The following CDH23 variants were observed in gnomAD, a reference collection of about 807,000 sequenced individuals.
CDH23 encodes the protein cadherin-23.
CDH23 carries 189 observed loss-of-function variants against 317.1 expected under a neutral mutation model. That is an observed-to-expected ratio of 0.60 (90% CI 0.53 to 0.67). The LOEUF (loss-of-function observed/expected upper bound fraction) is 0.67. Among genes scored for constraint, CDH23 ranks in the 30% least tolerant of loss-of-function variants. The probability of loss-of-function intolerance (pLI) is 0.00; values close to 1 mark genes in which losing one functional copy is unlikely to be tolerated. For synonymous variants in CDH23, 1,839 were observed against 1,876.8 expected (o/e 0.98, Z 0.52); for missense variants, 4,401 against 4,592.4 (o/e 0.96, Z 1.20).
chr10:71,555,042 C>A (rs376325378), intron 6 of CDH23, among the ~76,000 whole-genome samples: 1 of 152,184 alleles, frequency 6.6e-6, no homozygotes, highest in East Asian at 1.9e-4. Context: ...AAGCTTGTTT[C>A]CAAGTCCCTA....
intron 6 of CDH23, among the ~76,000 whole-genome samples, chr10:71,512,835 T>G (rs1854071084): frequency 1.3e-5 from 2 of 152,200 alleles, no homozygotes; most frequent in African/African-American, 4.8e-5. Flanking sequence ...AACAAATATT[T>G]ATTGAATGTC....
At chr10:71,532,435 C>T (rs916974830) in intron 6 of CDH23, among the ~76,000 whole-genome samples, 1 of 152,140 alleles carries the variant, frequency 6.6e-6, no homozygotes, top group Non-Finnish European at 1.5e-5. Context: ...GAGCACTGAG[C>T]GTCAGGGGTG....
chr10:71,805,945 G>A lies in CDH23; in HGVS notation c.8012G>A (p.Gly2671Asp), dbSNP rs779222449. 3.1e-6 allele frequency: 5 copies of A among 1,611,614 alleles called. No homozygotes were observed. The highest frequency in any genetic ancestry group is 4.2e-6 in the Non-Finnish European group (5 of 1,179,094). The change falls in exon 56 of 70, where the codon GGC becomes GAC. Residue 2671 changes from glycine to aspartate, a missense_variant. Around this residue, in one of 3 missense-constraint regions of CDH23, gnomAD observed 1,144 missense variants for 1,138.2 expected, o/e 1.01. Transcript: ENST00000224721. ...WEFFIIDPIS[G>D]LIQTAQRLDR... ...TTCTTCATCATCGACCCAATCAGCGGCCTCATCCAGACTGCTCAGCGCCTG... is the reference window on the plus strand; with the variant it reads ...TTCTTCATCATCGACCCAATCAGCGACCTCATCCAGACTGCTCAGCGCCTG...
rs79325293 is a variant in CDH23 at position 71,674,215 on chromosome 10, C to G, written c.1450-897C>G. ...AATATATTTTTCACTTATCTGCCTTCCTGAACTGAATGTACTAAACACAAA... is the reference window on the plus strand; with the variant it reads ...AATATATTTTTCACTTATCTGCCTTGCTGAACTGAATGTACTAAACACAAA... On this transcript the variant is annotated intron_variant, in intron 14 of 69. Coordinates refer to ENST00000224721, the MANE Select transcript of CDH23 (RefSeq NM_022124.6). 1.3e-3 allele frequency among the ~76,000 whole-genome samples: 191 copies of G among 152,248 alleles called. No homozygotes were observed. The East Asian group carries it at 0.02, about 16-fold the overall frequency.
Position 71,720,420 on chromosome 10 carries a change from A to AACACACACACACACACAC in CDH23, c.3370-3612_3370-3595dup, listed in dbSNP as rs57346519. Among the ~76,000 whole-genome samples the AACACACACACACACACAC allele has an allele frequency of 7.2e-4, 105 of 145,854 alleles. 1 individual carries two copies. Among genetic ancestry groups the AACACACACACACACACAC allele is most frequent in the African/African-American group, 2.5e-3 (99 of 39,098 alleles). ...GACCTCCACTGGAGGCTCTTTCCAA[A>AACACACACACACACACAC]ACACACACACACACACACACACACA... On this transcript the variant is annotated intron_variant, in intron 28 of 69. Transcript: ENST00000224721.
intron 24 of CDH23, 50 bp downstream of exon 24, chr10:71,702,744 G>A (rs1203242323): frequency 1.9e-6 from 3 of 1,607,544 alleles, no homozygotes; most frequent in African/African-American, 2.7e-5. Flanking sequence ...GGCAGTGGGT[G>A]CCTGAGGAGC....
At chr10:71,598,931 C>T (rs940679603) in intron 9 of CDH23, among the ~76,000 whole-genome samples, 1 of 152,178 alleles carries the variant, frequency 6.6e-6, no homozygotes, top group Non-Finnish European at 1.5e-5. Context: ...CATAATATGA[C>T]ATCTGGGGCT....
chr10:71,770,946 T>C (rs528987915), intron 38 of CDH23, among the ~76,000 whole-genome samples: 1 of 152,312 alleles, frequency 6.6e-6, no homozygotes, highest in South Asian at 2.1e-4. Flanking sequence ...CCAGAGCCTC[T>C]GGGCAGTGGG....
intron 41 of CDH23, among the ~76,000 whole-genome samples, chr10:71,780,178 G>A (rs1840915279): frequency 6.6e-6 from 1 of 152,186 alleles, no homozygotes; most frequent in Non-Finnish European, 1.5e-5. Flanking sequence ...AATTGGTCGT[G>A]CAGGAAATAT....
At chr10:71,485,340 T>A (rs1402266063) in intron 3 of CDH23, among the ~76,000 whole-genome samples, 21 of 152,214 alleles carry the variant, frequency 1.4e-4, no homozygotes, top group Admixed American at 1.3e-3. Context: ...TGTGTTTTTC[T>A]TATAAAAAGT....
intron 9 of CDH23, among the ~76,000 whole-genome samples, chr10:71,605,762 C>A (rs1472085206): frequency 6.6e-6 from 1 of 152,170 alleles, no homozygotes; most frequent in African/African-American, 2.4e-5. Context: ...TTTAATGAAT[C>A]CCCTATTGTT....
intron 29 of CDH23, among the ~76,000 whole-genome samples, chr10:71,724,915 A>G (rs2132803388): frequency 6.6e-6 from 1 of 152,264 alleles, no homozygotes; most frequent in East Asian, 1.9e-4. Flanking sequence ...AAGATGGGGG[A>G]ATGAGTGCTG....
At position 71,701,547 on chromosome 10, in the gene CDH23, C is replaced by T. The variant is rs1366262837; in HGVS notation, c.2398-475C>T. 2.0e-5 allele frequency among the ~76,000 whole-genome samples: 3 copies of T among 152,030 alleles called. No individual in the cohort carries two copies. In the East Asian group the frequency reaches 5.8e-4, roughly 29 times the overall value. On this transcript the variant is annotated intron_variant, in intron 22 of 69. Coordinates refer to ENST00000224721, the MANE Select transcript of CDH23 (RefSeq NM_022124.6). ...CCAGTCCTGAGACCCTGCCCCTTAT[C>T]AGGGACCATGTACCTCCCTTCCAGG...
chr10:71,810,117 G>A, intron 61 of CDH23, 41 bp downstream of exon 61: 1 of 1,603,646 alleles, frequency 6.2e-7, no homozygotes, highest in Non-Finnish European at 8.5e-7. Context: ...AGTGGAGGGA[G>A]AAGGAAGGGG....
At chr10:71,700,168 C>CT (rs1401045938) in intron 22 of CDH23, among the ~76,000 whole-genome samples, 3 of 152,174 alleles carry the variant, frequency 2.0e-5, no homozygotes, top group Non-Finnish European at 4.4e-5. Flanking sequence ...GGGAGGATCA[C>CT]TTGAGGTCAA....
At chr10:71,561,827 T>C (rs1857146368) in intron 6 of CDH23, among the ~76,000 whole-genome samples, 2 of 148,314 alleles carry the variant, frequency 1.3e-5, no homozygotes, top group Non-Finnish European at 3.0e-5. Context: ...CATAAGGGAG[T>C]AGGTGGGACT....
Position 71,575,715 on chromosome 10 carries a change from G to A in CDH23, c.754-2199G>A, listed in dbSNP as rs145816187. 4.7e-3 allele frequency among the ~76,000 whole-genome samples: 712 copies of A among 152,292 alleles called. 5 individuals are homozygous for A. The highest frequency in any genetic ancestry group is 7.9e-3 in the Admixed American group (121 of 15,306). On this transcript the variant is annotated intron_variant, in intron 8 of 69. Coordinates refer to ENST00000224721, the MANE Select transcript of CDH23 (RefSeq NM_022124.6). Reference sequence around the variant, plus strand: ...GCAGCGTGCCCTTGGGAGCAGGGTCGGCTCCGGGCCGAGCACAGCCGCACT... The same window carrying A: ...GCAGCGTGCCCTTGGGAGCAGGGTCAGCTCCGGGCCGAGCACAGCCGCACT...
In CDH23 at chr10:71,811,591, G is replaced by A. The variant is rs1841927455; in HGVS notation, c.9278+1G>A. 6.2e-7 allele frequency: 1 copy of A among 1,613,950 alleles called. No individual in the cohort carries two copies. The highest frequency in any genetic ancestry group is 2.2e-5 in the East Asian group (1 of 44,870). ...TCATGAACTGGTACTACAGGACTGT[G>A]TGAGTGTCCCCCACCCCTGCCATCA... On this transcript the variant is annotated splice_donor_variant, in intron 64 of 69. Coordinates refer to ENST00000224721, the MANE Select transcript of CDH23 (RefSeq NM_022124.6). LOFTEE classifies it high-confidence loss of function.
chr10:71,545,349 G>A (rs1021361094), intron 6 of CDH23, among the ~76,000 whole-genome samples: 5 of 152,114 alleles, frequency 3.3e-5, no homozygotes, highest in Admixed American at 1.3e-4. Context: ...TCCACCGTGC[G>A]TTTCATTAAA....
Sources: gnomAD v4.1 joint callset for allele counts (sites outside exome capture counted in the v4.1 genomes callset) on GRCh38, gnomAD v4.1.1 for gene constraint, gnomAD v4.1.1 regional missense constraint, MANE v1.5 for transcripts, NCBI Gene and HGNC (gene_info 2026-07-23, HGNC 2026-07-21) for gene names.